KCNC1: variants seen among roughly 807,000 people sequenced by gnomAD.
The protein encoded by KCNC1 is potassium voltage-gated channel subfamily C member 1, also known as voltage-gated potassium channel KCNC1.
A neutral mutation model predicts 43.4 loss-of-function variants in KCNC1; 8 were observed. The ratio of observed to expected loss-of-function variants is 0.18; its 90% CI spans 0.11 to 0.33. The LOEUF is 0.33. Ranked by LOEUF, KCNC1 falls within the 10% of genes least tolerant of loss-of-function variation. The pLI is 1.00. For synonymous variants in KCNC1, 361 were observed against 360.5 expected (o/e 1.00, Z -0.01); for missense variants, 420 against 836.0 (o/e 0.50, Z 6.14).
At chr11:17,754,362 G>A (rs1257987170) in intron 1 of KCNC1, among the ~76,000 whole-genome samples, 7 of 152,206 alleles carry the variant, frequency 4.6e-5, no homozygotes, top group African/African-American at 1.2e-4. Context: ...TAGCGCTTCC[G>A]TTACTGTGGT....
intron 1 of KCNC1, among the ~76,000 whole-genome samples, chr11:17,756,986 T>G (rs1249804010): frequency 1.3e-5 from 2 of 151,846 alleles, no homozygotes; most frequent in African/African-American, 4.8e-5. Context: ...TTTGCACGTC[T>G]TAACCACTCT....
rs1375592703 is a variant in KCNC1, at chr11:17,781,316, G to A, written c.1694-354G>A. 1 of 236,270 alleles carries A rather than the reference G, an allele frequency of 4.2e-6. No homozygotes were observed. Among genetic ancestry groups the A allele is most frequent in the African/African-American group, 2.3e-5 (1 of 44,024 alleles). The allele number at this position is 236,270 out of a possible 1,614,324, so 14.6% of individuals were successfully genotyped here. Reference sequence around the variant, plus strand: ...GCTTAGGTGCCAGAGTCTTTGGGAGGCGCTAAGGGTGAAGTGTCCCCACCT... The same window carrying A: ...GCTTAGGTGCCAGAGTCTTTGGGAGACGCTAAGGGTGAAGTGTCCCCACCT... On this transcript the variant is annotated intron_variant, in intron 3 of 3. Transcript: ENST00000265969. This position sits in a 1 kb window ranked among gnomAD's most constrained non-coding sequence, Gnocchi z 5.1.
chr11:17,775,063 T>A, intron 2 of KCNC1: 3 of 984,702 alleles, frequency 3.0e-6, no homozygotes, highest in Non-Finnish European at 3.6e-6. Flanking sequence ...AGGGTTGGGG[T>A]GAGTTTGTGG....
At chr11:17,756,811 G>C (rs779131574) in intron 1 of KCNC1, among the ~76,000 whole-genome samples, 3 of 152,218 alleles carry the variant, frequency 2.0e-5, no homozygotes, top group African/African-American at 4.8e-5. Flanking sequence ...GAAGAAGGCT[G>C]TGCCTATTGT....
Position 17,751,447 on chromosome 11 carries a change from C to T in KCNC1, c.570+14875C>T, listed in dbSNP as rs910203968. 3.9e-5 allele frequency among the ~76,000 whole-genome samples: 6 copies of T among 152,182 alleles called. No individual in the cohort carries two copies. The East Asian group carries it at 7.7e-4, about 20-fold the overall frequency. ...AGGACCATGGATGTGCTTCTCCTTG[C>T]GTGCCTTCAAAGCGGAAGTCCCACC... On this transcript the variant is annotated intron_variant, in intron 1 of 3. Transcript: ENST00000265969.
At chr11:17,752,658 A>G (rs537504391) in intron 1 of KCNC1, among the ~76,000 whole-genome samples, 4 of 152,360 alleles carry the variant, frequency 2.6e-5, no homozygotes, top group African/African-American at 9.6e-5. Context: ...TTCTGGAGTC[A>G]GACAAAATTG....
chr11:17,753,375 T>C (rs886607804), intron 1 of KCNC1, among the ~76,000 whole-genome samples: 12 of 152,320 alleles, frequency 7.9e-5, no homozygotes, highest in African/African-American at 2.9e-4. Context: ...GCCTGGAGAA[T>C]GCTCAGGCTA....
chr11:17,758,427 G>A (rs1017575885), intron 1 of KCNC1, among the ~76,000 whole-genome samples: 2 of 152,172 alleles, frequency 1.3e-5, no homozygotes, highest in Non-Finnish European at 2.9e-5. Flanking sequence ...GACCTCCTCC[G>A]ATGAATCACA....
At chr11:17,741,351 T>C (rs1848839436) in intron 1 of KCNC1, among the ~76,000 whole-genome samples, 1 of 152,040 alleles carries the variant, frequency 6.6e-6, no homozygotes, top group African/African-American at 2.4e-5. Flanking sequence ...ACTGAGGTAA[T>C]GCTTGGACAG....
chr11:17,749,262 C>T (rs974263434), intron 1 of KCNC1, among the ~76,000 whole-genome samples: 7 of 152,378 alleles, frequency 4.6e-5, no homozygotes, highest in South Asian at 4.1e-4. Flanking sequence ...GCTCACTGCA[C>T]TGCGAGCACT....
At position 17,781,663 on chromosome 11, in the gene KCNC1, CATACA is replaced by C; in HGVS notation, c.1694-6_1694-2del. 6.5e-7 allele frequency: 1 copy of C among 1,540,770 alleles called. No individual in the cohort carries two copies. The highest frequency in any genetic ancestry group is 1.2e-5 in the South Asian group (1 of 83,774). ...GCTCAAGTGTTAATTGTATTCTTTA[CATACA>C]GATCTTTGCAAAGAAAGCCCTGTCA... On this transcript the variant is annotated splice_acceptor_variant and splice_polypyrimidine_tract_variant and intron_variant, in intron 3 of 3. Coordinates refer to ENST00000265969, the MANE Select transcript of KCNC1 (RefSeq NM_001112741.2). LOFTEE classifies it high-confidence loss of function. The surrounding 1 kb of genome is among the most constrained non-coding windows in gnomAD (Gnocchi z 5.1).
chr11:17,782,001 T>G lies in KCNC1; in HGVS notation c.*267T>G. 1 of 419,384 alleles carries G rather than the reference T, an allele frequency of 2.4e-6. No homozygotes were observed. 26.0% of individuals were successfully genotyped at this position (419,384 alleles called of 1,614,324 possible). On this transcript the variant is annotated 3_prime_UTR_variant, in exon 4 of 4. Coordinates refer to ENST00000265969, the MANE Select transcript of KCNC1 (RefSeq NM_001112741.2). ...GAGGGGCTCCTTAGCATGACTTGCA[T>G]GAAGTTAAACAGAAAACCCAGCAAA...
At chr11:17,749,663 G>A (rs1405589866) in intron 1 of KCNC1, among the ~76,000 whole-genome samples, 3 of 152,226 alleles carry the variant, frequency 2.0e-5, no homozygotes, top group African/African-American at 4.8e-5. Flanking sequence ...CACCTGGAGT[G>A]AGCTGGAGCC....
rs930738492 is a variant in KCNC1 at position 17,775,800 on chromosome 11, T to G, written c.1504+3202T>G. 11 of 985,522 alleles carry G rather than the reference T, an allele frequency of 1.1e-5. No homozygotes were observed. The East Asian group carries it at 1.1e-3, about 102-fold the overall frequency. 61.0% of individuals were successfully genotyped at this position (985,522 alleles called of 1,614,324 possible). A position where few individuals can be genotyped will look rare whatever the true frequency, so the allele number is the denominator to read the frequency against. On this transcript the variant is annotated intron_variant, in intron 2 of 3. Coordinates refer to ENST00000265969, the MANE Select transcript of KCNC1 (RefSeq NM_001112741.2). ...GGGGGTGGTGGTGGCCGGGCTCCCT[T>G]CCTGCCCATGGCACCTAGAACAGCA... is the stretch of plus-strand genomic sequence containing the variant.
At position 17,777,402 on chromosome 11, in the gene KCNC1, A is replaced by G; in HGVS notation, c.1505-2054A>G. ...GGACCCACTGTTCTCCCCTTGAGGAAAATCCATGCAGGGTGCTATGGGCCT... is the reference window on the plus strand; with the variant it reads ...GGACCCACTGTTCTCCCCTTGAGGAGAATCCATGCAGGGTGCTATGGGCCT... On this transcript the variant is annotated intron_variant, in intron 2 of 3. Coordinates refer to ENST00000265969, the MANE Select transcript of KCNC1 (RefSeq NM_001112741.2). The surrounding 1 kb of genome is among the most constrained non-coding windows in gnomAD (Gnocchi z 4.3). 2.0e-6 allele frequency: 2 copies of G among 985,828 alleles called. No homozygotes were observed. The highest frequency in any genetic ancestry group is 2.4e-6 in the Non-Finnish European group (2 of 829,946). 61.1% of individuals were successfully genotyped at this position (985,828 alleles called of 1,614,324 possible).
intron 1 of KCNC1, among the ~76,000 whole-genome samples, chr11:17,737,082 T>G (rs1848776453): frequency 6.6e-6 from 1 of 152,088 alleles, no homozygotes; most frequent in African/African-American, 2.4e-5. Context: ...CAAAAAGGCC[T>G]GAGGCCTGCT....
intron 1 of KCNC1, among the ~76,000 whole-genome samples, chr11:17,744,582 C>T (rs1848877408): frequency 6.6e-6 from 1 of 152,180 alleles, no homozygotes; most frequent in Admixed American, 6.5e-5. Flanking sequence ...CCCGCTTCTC[C>T]AGGCCCTTCT....
chr11:17,775,403 C>T, intron 2 of KCNC1: 2 of 985,568 alleles, frequency 2.0e-6, no homozygotes, highest in Non-Finnish European at 2.4e-6. Context: ...CTGGTCTCCT[C>T]CTGTGTGCTG....
In KCNC1 at chr11:17,782,803, C is replaced by T. The variant is rs1235917115; in HGVS notation, c.*1069C>T. 4 of 150,780 alleles carry T rather than the reference C, an allele frequency of 2.7e-5. No homozygotes were observed. Among genetic ancestry groups the T allele is most frequent in the African/African-American group, 7.3e-5 (3 of 40,866 alleles). 9.3% of individuals were successfully genotyped at this position (150,780 alleles called of 1,614,324 possible). A position where few individuals can be genotyped will look rare whatever the true frequency, so the allele number is the denominator to read the frequency against. ...TTTGCAGAGACACACTTCTGCATCT[C>T]GAATAAATATAGTATTTTCCCAACA... On this transcript the variant is annotated 3_prime_UTR_variant, in exon 4 of 4. Coordinates refer to ENST00000265969, the MANE Select transcript of KCNC1 (RefSeq NM_001112741.2).
Sources: gnomAD v4.1 joint callset for allele counts (sites outside exome capture counted in the v4.1 genomes callset) on GRCh38, gnomAD v4.1.1 for gene constraint, Gnocchi (gnomAD v3.1) non-coding constraint, MANE v1.5 for transcripts, NCBI Gene and HGNC (gene_info 2026-07-23, HGNC 2026-07-21) for gene names.